ST18: variants seen among roughly 807,000 people sequenced by gnomAD.
ST18 encodes suppression of tumorigenicity 18 protein.
A neutral mutation model predicts 110.0 loss-of-function variants in ST18; 50 were observed. That is an observed-to-expected ratio of 0.45 (90% confidence interval 0.36 to 0.58). The LOEUF (loss-of-function observed/expected upper bound fraction) is 0.58, where lower values mean the gene tolerates loss of function less well. ST18 is among the 20% of genes least tolerant of loss of function. The pLI is 0.00. For missense variants in ST18, 1,306 were observed against 1,280.1 expected, an observed-to-expected ratio of 1.02 and a Z score of -0.31; for synonymous variants, 461 against 452.4, an observed-to-expected ratio of 1.02 and a Z score of -0.24.
At position 52,133,320 on chromosome 8, in the gene ST18, G is replaced by C. The variant is rs762973985; in HGVS notation, c.2301-19C>G. The stretch of plus-strand genomic sequence containing the variant: ...TGGACACCTGGAAGGCACAGGAAGA[G>C]AGCATGGGCTGAGAAGTTGTAGTTG... On this transcript the variant is annotated intron_variant, in intron 19 of 25. Coordinates refer to ENST00000689386, the MANE Select transcript of ST18 (RefSeq NM_001352837.2). The C allele has an allele frequency of 6.2e-6, 10 of 1,614,140 alleles. No homozygotes were observed. In the Admixed American group the frequency reaches 6.7e-5, roughly 11 times the overall value.
chr8:52,394,641 AAGGG>A, intron 2 of ST18, among the ~76,000 whole-genome samples: 1 of 152,334 alleles, frequency 6.6e-6, no homozygotes, highest in African/African-American at 2.4e-5. Flanking sequence ...ATGGTGTGGG[AAGGG>A]AAGTTATAAA....
At position 52,191,613 on chromosome 8, in the gene ST18, G is replaced by A. The variant is rs544275743; in HGVS notation, c.87-11301C>T. The stretch of plus-strand genomic sequence containing the variant: ...AGAAAAGAAAAGGAAGAGTTAGTTC[G>A]TACATGGTTCACCTCAGCATCTGAG... On this transcript the variant is annotated intron_variant, in intron 8 of 25. Coordinates refer to ENST00000689386, the MANE Select transcript of ST18 (RefSeq NM_001352837.2). Among the ~76,000 whole-genome samples, 5 of 152,298 alleles carry A rather than the reference G, an allele frequency of 3.3e-5. No homozygotes were observed. The South Asian group carries it at 6.2e-4, about 19-fold the overall frequency.
At chr8:52,353,990 ACT>A (rs1821556621) in intron 2 of ST18, among the ~76,000 whole-genome samples, 1 of 152,110 alleles carries the variant, frequency 6.6e-6, no homozygotes, top group African/African-American at 2.4e-5. Flanking sequence ...GGGCTAGCCC[ACT>A]CCACCTGCTG....
At chr8:52,243,254 T>C (rs2093586395) in intron 2 of ST18, among the ~76,000 whole-genome samples, 1 of 152,208 alleles carries the variant, frequency 6.6e-6, no homozygotes, top group Non-Finnish European at 1.5e-5. Context: ...CATGGAGTTA[T>C]AGAATTTGGG....
chr8:52,375,787 G>A (rs563137682), intron 2 of ST18, among the ~76,000 whole-genome samples: 72 of 152,174 alleles, frequency 4.7e-4, no homozygotes, highest in African/African-American at 1.7e-3. Flanking sequence ...TGTCTTGCAC[G>A]CACATTAAAT....
At chr8:52,182,575 A>C (rs2070204398) in intron 8 of ST18, among the ~76,000 whole-genome samples, 1 of 152,228 alleles carries the variant, frequency 6.6e-6, no homozygotes, top group Non-Finnish European at 1.5e-5. Context: ...ACTACACTAT[A>C]AGTATCTACA....
At chr8:52,148,611 T>C (rs1042380441) in intron 16 of ST18, among the ~76,000 whole-genome samples, 1 of 149,968 alleles carries the variant, frequency 6.7e-6, no homozygotes, top group Admixed American at 6.7e-5. Flanking sequence ...AGGTCCCATG[T>C]CACTGACTGG....
intron 2 of ST18, chr8:52,406,241 G>A (rs956974948): frequency 2.6e-5 from 4 of 152,230 alleles, no homozygotes; most frequent in African/African-American, 9.6e-5. Context: ...CAGGATCAGA[G>A]ATTCCAATTA....
intron 8 of ST18, among the ~76,000 whole-genome samples, chr8:52,190,311 C>G (rs926685110): frequency 1.4e-4 from 21 of 152,080 alleles, no homozygotes; most frequent in African/African-American, 4.1e-4. Context: ...ATCCAAAATC[C>G]AATACACTTC....
intron 2 of ST18, among the ~76,000 whole-genome samples, chr8:52,366,561 G>A (rs2076783): frequency 0.79 from 119,506 of 152,058 alleles, 50,326 homozygotes; most frequent in Non-Finnish European, 0.93. Context: ...TATTTCCCCT[G>A]CCTGGGACAG....
At chr8:52,147,588 G>A (rs1175222551) in intron 16 of ST18, among the ~76,000 whole-genome samples, 3 of 152,072 alleles carry the variant, frequency 2.0e-5, no homozygotes, top group Admixed American at 6.6e-5. Context: ...TCATAAGGAT[G>A]AGTGCAGAAA....
intron 2 of ST18, among the ~76,000 whole-genome samples, chr8:52,377,739 C>T (rs2140768857): frequency 6.6e-6 from 1 of 152,228 alleles, no homozygotes; most frequent in South Asian, 2.1e-4. Flanking sequence ...ATCCAGCAAT[C>T]CCACTGCTGG....
intron 3 of ST18, among the ~76,000 whole-genome samples, chr8:52,223,103 C>T (rs1024196421): frequency 2.6e-5 from 4 of 152,174 alleles, no homozygotes; most frequent in African/African-American, 4.8e-5. Context: ...CGAAGGACTA[C>T]GTTTGTCCAC....
chr8:52,246,039 T>C (rs945324616), intron 2 of ST18, among the ~76,000 whole-genome samples: 1 of 152,052 alleles, frequency 6.6e-6, no homozygotes, highest in Non-Finnish European at 1.5e-5. Flanking sequence ...GAGTAATACA[T>C]TTTTGCCTAA....
chr8:52,243,680 C>G (rs1373415734), intron 2 of ST18, among the ~76,000 whole-genome samples: 1 of 152,150 alleles, frequency 6.6e-6, no homozygotes, highest in East Asian at 1.9e-4. Context: ...GACACCATGC[C>G]TGGCACAGTG....
intron 2 of ST18, among the ~76,000 whole-genome samples, chr8:52,334,099 A>C (rs986090873): frequency 2.6e-5 from 4 of 152,226 alleles, no homozygotes; most frequent in Non-Finnish European, 4.4e-5. Flanking sequence ...TGTACATTTA[A>C]ACCTTTGTTT....
At chr8:52,137,745 G>T (rs947871083) in intron 17 of ST18, 7 of 402,626 alleles carry the variant, frequency 1.7e-5, no homozygotes, top group African/African-American at 4.0e-5. Context: ...TTCCATTGAT[G>T]TGGGAAAGTG....
At chr8:52,240,086 G>A (rs1000828462) in intron 2 of ST18, among the ~76,000 whole-genome samples, 16 of 152,062 alleles carry the variant, frequency 1.1e-4, no homozygotes, top group African/African-American at 3.9e-4. Context: ...GAGCCACCAA[G>A]CCCAGCCTCC....
intron 23 of ST18, among the ~76,000 whole-genome samples, chr8:52,121,277 A>G (rs1457237442): frequency 1.3e-5 from 2 of 152,178 alleles, no homozygotes; most frequent in Non-Finnish European, 2.9e-5. Flanking sequence ...TGAGATCTCA[A>G]AAAGGAAACA....
Sources: allele counts gnomAD v4.1 joint callset (sites outside exome capture counted in the v4.1 genomes callset), GRCh38; gene constraint gnomAD v4.1.1; transcripts MANE v1.5; gene names NCBI Gene and HGNC (gene_info 2026-07-23, HGNC 2026-07-21).